MRAS: variants seen among roughly 807,000 people sequenced by gnomAD.
MRAS encodes ras-related protein M-Ras.
In MRAS, 4 loss-of-function variants were observed where a neutral mutation model predicts 20.9. That is an observed-to-expected ratio of 0.19 (90% confidence interval 0.09 to 0.44). The LOEUF (loss-of-function observed/expected upper bound fraction) is 0.44, where lower values mean the gene tolerates loss of function less well. MRAS is among the 20% of genes least tolerant of loss of function. The probability of loss-of-function intolerance (pLI) is 0.99; values close to 1 mark genes in which losing one functional copy is unlikely to be tolerated. For synonymous variants in MRAS, 98 were observed against 102.9 expected (o/e 0.95, Z 0.29); for missense variants, 154 against 277.5 (o/e 0.56, Z 3.16).
At chr3:138,390,661 G>T (rs896531202) in intron 2 of MRAS, among the ~76,000 whole-genome samples, 9 of 152,278 alleles carry the variant, frequency 5.9e-5, no homozygotes, top group African/African-American at 1.9e-4. Flanking sequence ...CCGGGCATTT[G>T]CAGGTGTATG....
intron 2 of MRAS, among the ~76,000 whole-genome samples, chr3:138,387,901 C>T (rs2055050282): frequency 6.6e-6 from 1 of 152,198 alleles, no homozygotes; most frequent in African/African-American, 2.4e-5. Flanking sequence ...CTCCATTCCC[C>T]ACAGCTGCAG....
intron 1 of MRAS, among the ~76,000 whole-genome samples, chr3:138,360,441 C>G (rs989225981): frequency 1.3e-5 from 2 of 152,210 alleles, no homozygotes; most frequent in African/African-American, 4.8e-5. Flanking sequence ...TAGCTGTACT[C>G]TGGGGGCTGG....
At chr3:138,368,568 C>A (rs2054611754) in intron 1 of MRAS, among the ~76,000 whole-genome samples, 1 of 152,070 alleles carries the variant, frequency 6.6e-6, no homozygotes, top group Admixed American at 6.6e-5. Context: ...AAGGAGAACC[C>A]CAAGTCTACC....
chr3:138,348,256 G>A (rs951362454), upstream of MRAS: 2 of 152,296 alleles, frequency 1.3e-5, no homozygotes, highest in African/African-American at 4.8e-5. Context: ...GGCTCTTAAA[G>A]AGGCCGAGTC....
chr3:138,362,806 A>G (rs994412835), intron 1 of MRAS, among the ~76,000 whole-genome samples: 1 of 152,066 alleles, frequency 6.6e-6, no homozygotes, highest in African/African-American at 2.4e-5. Flanking sequence ...TGGTATAGGG[A>G]TACAAAGATG....
chr3:138,369,139 G>A (rs1459825945), intron 1 of MRAS, among the ~76,000 whole-genome samples: 1 of 152,198 alleles, frequency 6.6e-6, no homozygotes, highest in African/African-American at 2.4e-5. Flanking sequence ...GTGGTGTGTA[G>A]GTTGTCTGAC....
At chr3:138,354,488 A>T (rs2054290865) in intron 1 of MRAS, among the ~76,000 whole-genome samples, 1 of 152,140 alleles carries the variant, frequency 6.6e-6, no homozygotes, top group Admixed American at 6.5e-5. Flanking sequence ...TCCTCAGTTA[A>T]TGCCAGTGGG....
At chr3:138,359,407 G>A (rs1487244991) in intron 1 of MRAS, among the ~76,000 whole-genome samples, 1 of 152,000 alleles carries the variant, frequency 6.6e-6, no homozygotes, top group Non-Finnish European at 1.5e-5. Flanking sequence ...CCTTTTATTT[G>A]GCTTCAGTCC....
chr3:138,391,145 C>T (rs2055124923), intron 2 of MRAS, among the ~76,000 whole-genome samples: 1 of 152,020 alleles, frequency 6.6e-6, no homozygotes. Flanking sequence ...TTATTGATAC[C>T]TTTTTCTTTC....
At position 138,397,522 on chromosome 3, in the gene MRAS, C is replaced by T. The variant is rs112911445; in HGVS notation, c.347+45C>T. 6.2e-3 allele frequency: 9,934 copies of T among 1,607,930 alleles called. 49 individuals carry two copies. The highest frequency in any genetic ancestry group is 6.8e-3 in the Non-Finnish European group (7,963 of 1,175,784). On this transcript the variant is annotated intron_variant, in intron 3 of 5. Transcript: ENST00000423968. The stretch of plus-strand genomic sequence containing the variant: ...GAGAGTACCGGGAAGAGGCCTGCGC[C>T]TGCCTCCTAGGGCGCTCTCTCTCTC...
intron 2 of MRAS, among the ~76,000 whole-genome samples, chr3:138,375,122 A>G (rs1240421217): frequency 6.6e-6 from 1 of 152,140 alleles, no homozygotes; most frequent in Admixed American, 6.5e-5. Context: ...CTTGGCTTCA[A>G]GCAATCCTTC....
At chr3:138,349,099 CGGGGGATGGGTGGGT>C (rs1419087503) in intron 1 of MRAS, 2 of 1,336 alleles carry the variant, frequency 1.5e-3, no homozygotes, top group Non-Finnish European at 2.8e-3. Flanking sequence ...GACGGGGCGG[CGGGGGATGGGTGGGT>C]GGGTGGGGGA....
At chr3:138,385,066 T>TAGGCAAGA (rs1282553937) in intron 2 of MRAS, among the ~76,000 whole-genome samples, 1 of 149,768 alleles carries the variant, frequency 6.7e-6, no homozygotes, top group African/African-American at 2.5e-5. Context: ...GCAGCGAGGA[T>TAGGCAAGA]AGGCAAGAAG....
At chr3:138,365,770 G>A (rs2054546297) in intron 1 of MRAS, among the ~76,000 whole-genome samples, 1 of 152,194 alleles carries the variant, frequency 6.6e-6, no homozygotes, top group African/African-American at 2.4e-5. Context: ...CAGTCACTGT[G>A]TTCTGCTGCC....
intron 2 of MRAS, among the ~76,000 whole-genome samples, chr3:138,381,763 C>T (rs1222480828): frequency 1.3e-5 from 2 of 152,206 alleles, no homozygotes; most frequent in Non-Finnish European, 2.9e-5. Context: ...GGGACATTTC[C>T]ACCCTGGCTT....
At chr3:138,379,170 T>TC (rs953139032) in intron 2 of MRAS, among the ~76,000 whole-genome samples, 4 of 151,996 alleles carry the variant, frequency 2.6e-5, no homozygotes, top group South Asian at 2.1e-4. Context: ...CTTCTCTTCA[T>TC]CCCCCCACCC....
At chr3:138,397,499 G>A (rs748080077) in intron 3 of MRAS, 22 bp downstream of exon 3, 2 of 1,613,410 alleles carry the variant, frequency 1.2e-6, no homozygotes. Flanking sequence ...AGACAGGTGA[G>A]AGTACCGGGA....
chr3:138,385,359 C>T (rs1228109372), intron 2 of MRAS, among the ~76,000 whole-genome samples: 1 of 150,736 alleles, frequency 6.6e-6, no homozygotes, highest in Non-Finnish European at 1.5e-5. Flanking sequence ...GTTGCCCAGA[C>T]TGGTCTCAAA....
At chr3:138,358,167 T>A (rs1351003878) in intron 1 of MRAS, among the ~76,000 whole-genome samples, 1 of 152,080 alleles carries the variant, frequency 6.6e-6, no homozygotes, top group Non-Finnish European at 1.5e-5. Context: ...AAACCCCATC[T>A]CTACTAAAAA....
Sources: gnomAD v4.1 joint callset for allele counts (sites outside exome capture counted in the v4.1 genomes callset) on GRCh38, gnomAD v4.1.1 for gene constraint, MANE v1.5 for transcripts, NCBI Gene and HGNC (gene_info 2026-07-23, HGNC 2026-07-21) for gene names.